The following CSMD1 variants were observed in gnomAD, a reference collection of about 807,000 sequenced individuals.
CSMD1 encodes the protein CUB and Sushi multiple domains 1.
A neutral mutation model predicts 417.5 loss-of-function variants in CSMD1; 213 were observed. The ratio of observed to expected loss-of-function variants is 0.51; its 90% confidence interval spans 0.46 to 0.57. The LOEUF (loss-of-function observed/expected upper bound fraction) is 0.57. CSMD1 is among the 20% of genes least tolerant of loss of function. The pLI is 0.00. For missense variants in CSMD1, 6,923 were observed against 4,529.7 expected, an observed-to-expected ratio of 1.53 and a Z score of -15.17; for synonymous variants, 2,862 against 1,736.8, an observed-to-expected ratio of 1.65 and a Z score of -16.11.
At chr8:4,343,595 T>G (rs1024048080) in intron 3 of CSMD1, among the ~76,000 whole-genome samples, 6 of 152,128 alleles carry the variant, frequency 3.9e-5, no homozygotes, top group African/African-American at 1.4e-4. Flanking sequence ...TATTTTTATC[T>G]AATAGAAACT....
chr8:3,812,230 C>A (rs1801129538), intron 5 of CSMD1, among the ~76,000 whole-genome samples: 1 of 152,046 alleles, frequency 6.6e-6, no homozygotes, highest in Non-Finnish European at 1.5e-5. Context: ...TCAAAAGATA[C>A]AGGAAAGGGA....
At chr8:4,640,253 C>A (rs979080155) in intron 1 of CSMD1, among the ~76,000 whole-genome samples, 1 of 152,152 alleles carries the variant, frequency 6.6e-6, no homozygotes, top group African/African-American at 2.4e-5. Flanking sequence ...TTGGCAACTG[C>A]TCAAAAGTTC....
rs559000275 is a variant in CSMD1 at position 4,911,240 on chromosome 8, T to G, written c.85+83092A>C. On this transcript the variant is annotated intron_variant, in intron 1 of 69. Transcript: ENST00000635120. ...TCAAATTCTGTCTGCTCCATCAGTTTCAAATGACCTTTGTCCACCAGTCGT... is the reference window on the plus strand; with the variant it reads ...TCAAATTCTGTCTGCTCCATCAGTTGCAAATGACCTTTGTCCACCAGTCGT... 3.3e-5 allele frequency among the ~76,000 whole-genome samples: 5 copies of G among 152,360 alleles called. No homozygotes were observed. In the East Asian group the frequency reaches 9.6e-4, roughly 29 times the overall value.
chr8:4,586,576 T>C (rs1298685580), intron 2 of CSMD1, among the ~76,000 whole-genome samples: 4 of 152,204 alleles, frequency 2.6e-5, no homozygotes, highest in African/African-American at 9.7e-5. Context: ...AGCATTTTTT[T>C]TGATGCTTTA....
chr8:3,977,005 G>C (rs1447512655), intron 5 of CSMD1, among the ~76,000 whole-genome samples: 1 of 152,176 alleles, frequency 6.6e-6, no homozygotes, highest in Admixed American at 6.5e-5. Context: ...GGGTGGGGGC[G>C]TGAAGGTGCC....
intron 3 of CSMD1, among the ~76,000 whole-genome samples, chr8:4,360,497 C>G (rs910181042): frequency 1.2e-4 from 18 of 152,188 alleles, no homozygotes; most frequent in South Asian, 6.2e-4. Flanking sequence ...CCTGTTCCTC[C>G]CAGGTTCTTT....
intron 52 of CSMD1, among the ~76,000 whole-genome samples, chr8:3,012,559 A>G (rs1349366728): frequency 6.6e-6 from 1 of 152,190 alleles, no homozygotes; most frequent in East Asian, 1.9e-4. Context: ...TATCTCAGCC[A>G]CAATTCAGGG....
At chr8:4,856,718 A>C (rs1179144277) in intron 1 of CSMD1, among the ~76,000 whole-genome samples, 1 of 149,632 alleles carries the variant, frequency 6.7e-6, no homozygotes, top group Non-Finnish European at 1.5e-5. Context: ...AGAGCTAACT[A>C]TCCTAAATAT....
chr8:3,988,038 T>C lies in CSMD1; in HGVS notation c.818+9865A>G, dbSNP rs185868639. Among the ~76,000 whole-genome samples the C allele has an allele frequency of 3.3e-3, 505 of 152,336 alleles. 2 individuals are homozygous for C. The highest frequency in any genetic ancestry group is 0.017 in the Middle Eastern group (5 of 294). ...TTTACTTTCAACACACAGCTATTAA[T>C]AGATTTGGAAACACTACTGTGCCTA... On this transcript the variant is annotated intron_variant, in intron 5 of 69. Coordinates refer to ENST00000635120, the MANE Select transcript of CSMD1 (RefSeq NM_033225.6).
In CSMD1 at chr8:3,308,293, T is replaced by A; in HGVS notation, c.3823+19A>T. 1.3e-6 allele frequency: 2 copies of A among 1,588,076 alleles called. No homozygotes were observed. Among genetic ancestry groups the A allele is most frequent in the Non-Finnish European group, 1.7e-6 (2 of 1,159,990 alleles). ...AAGGCCTGGCTTTTGCACAATGGTA[T>A]GACTGCTTCCACACTCACCTATGCA... On this transcript the variant is annotated intron_variant, in intron 24 of 69. Transcript: ENST00000635120.
intron 25 of CSMD1, among the ~76,000 whole-genome samples, chr8:3,287,693 A>G (rs930016808): frequency 4.6e-5 from 7 of 152,126 alleles, no homozygotes; most frequent in Admixed American, 3.9e-4. Flanking sequence ...CAGCTTAAGG[A>G]GATTTGGGGC....
chr8:3,268,030 G>C (rs1338566735), intron 26 of CSMD1, among the ~76,000 whole-genome samples: 1 of 152,098 alleles, frequency 6.6e-6, no homozygotes, highest in Non-Finnish European at 1.5e-5. Flanking sequence ...CTTCCTGGTA[G>C]TTTTATGAGG....
intron 10 of CSMD1, among the ~76,000 whole-genome samples, chr8:3,517,238 T>C (rs1585290051): frequency 1.3e-5 from 2 of 151,998 alleles, no homozygotes; most frequent in African/African-American, 2.4e-5. Flanking sequence ...AAATCTGTGA[T>C]TAGAGGGAAA....
At chr8:4,711,158 C>G (rs200465364) in intron 1 of CSMD1, among the ~76,000 whole-genome samples, 1 of 131,954 alleles carries the variant, frequency 7.6e-6, no homozygotes, top group Non-Finnish European at 1.7e-5. Context: ...AATTTTCTCA[C>G]AAAAAAAAAA....
intron 8 of CSMD1, among the ~76,000 whole-genome samples, chr8:3,604,693 T>C (rs1371269428): frequency 6.6e-6 from 1 of 152,118 alleles, no homozygotes; most frequent in Non-Finnish European, 1.5e-5. Context: ...TCCCTAGATA[T>C]CTCTCCATTA....
chr8:4,310,040 G>A (rs1798472748), intron 3 of CSMD1, among the ~76,000 whole-genome samples: 1 of 152,174 alleles, frequency 6.6e-6, no homozygotes, highest in Non-Finnish European at 1.5e-5. Context: ...TTAGAAGACA[G>A]AGGGTAATGG....
intron 10 of CSMD1, among the ~76,000 whole-genome samples, chr8:3,533,065 C>T (rs1427582707): frequency 1.3e-5 from 2 of 152,114 alleles, no homozygotes; most frequent in African/African-American, 2.4e-5. Context: ...AGATAAACAG[C>T]TCGTAATTCA....
At chr8:4,631,787 G>A (rs2130844416) in intron 2 of CSMD1, among the ~76,000 whole-genome samples, 1 of 152,196 alleles carries the variant, frequency 6.6e-6, no homozygotes, top group East Asian at 1.9e-4. Context: ...TATCAGCATT[G>A]CAGAAAATTA....
chr8:3,506,250 T>C (rs1796822563), intron 10 of CSMD1, among the ~76,000 whole-genome samples: 1 of 152,142 alleles, frequency 6.6e-6, no homozygotes, highest in African/African-American at 2.4e-5. Flanking sequence ...TGAGCCAGGC[T>C]CTATGTCTGG....
Sources: gnomAD v4.1 joint callset for allele counts (sites outside exome capture counted in the v4.1 genomes callset) on GRCh38, gnomAD v4.1.1 for gene constraint, MANE v1.5 for transcripts, NCBI Gene and HGNC (gene_info 2026-07-23, HGNC 2026-07-21) for gene names.